Variants in DHX57 observed in about 807,000 individuals in gnomAD.
DHX57 encodes DExH-box helicase 57.
A neutral mutation model predicts 156.2 loss-of-function variants in DHX57; 105 were observed. That is an observed-to-expected ratio of 0.67 (90% CI 0.57 to 0.79). The LOEUF (loss-of-function observed/expected upper bound fraction) is 0.79. Among genes scored for constraint, DHX57 ranks in the 30% least tolerant of loss-of-function variants. The pLI, the probability that DHX57 is intolerant of heterozygous loss-of-function variation, is 0.00. For missense variants in DHX57, 1,847 were observed against 1,661.9 expected (o/e 1.11, Z -1.94); for synonymous variants, 704 against 595.6 (o/e 1.18, Z -2.65).
chr2:38,853,856 G>T, intron 9 of DHX57, 198 bp downstream of exon 9: 1 of 422,800 alleles, frequency 2.4e-6, no homozygotes, highest in Non-Finnish European at 4.3e-6. Context: ...TCTAATAAGT[G>T]ATGAGCATGT....
At chr2:38,835,288 T>G (rs1343578873) in intron 13 of DHX57, among the ~76,000 whole-genome samples, 2 of 152,212 alleles carry the variant, frequency 1.3e-5, no homozygotes, top group African/African-American at 4.8e-5. Flanking sequence ...ATAGGCTAAA[T>G]CTACTCTTTT....
At chr2:38,832,085 T>A (rs1386650874) in intron 13 of DHX57, among the ~76,000 whole-genome samples, 1 of 152,146 alleles carries the variant, frequency 6.6e-6, no homozygotes, top group Non-Finnish European at 1.5e-5. Context: ...CAACACTCAC[T>A]ACTTGCCAAG....
In DHX57 at chr2:38,843,051, C is replaced by T. The variant is rs1181157578; in HGVS notation, c.2379G>A (p.Val793=). Residue 793 remains valine, a synonymous_variant, in exon 12 of 24, where the codon GTG becomes GTA. Transcript: ENST00000457308. ...LQDQDSVKDA[V]PDQQLDFKQL... is the part of the protein sequence containing the mutation. Reference sequence around the variant, plus strand: ...GCTTAAAATCTAACTGTTGATCTGGCACTGCATCTTTGACAGAATCCTGAT... The same window carrying T: ...GCTTAAAATCTAACTGTTGATCTGGTACTGCATCTTTGACAGAATCCTGAT... The T allele has an allele frequency of 1.9e-6, 3 of 1,614,188 alleles. No individual in the cohort carries two copies. The Admixed American group carries it at 5.0e-5, about 27-fold the overall frequency.
intron 23 of DHX57, among the ~76,000 whole-genome samples, chr2:38,799,347 C>G (rs533734609): frequency 5.2e-5 from 7 of 135,406 alleles, no homozygotes; most frequent in African/African-American, 1.9e-4. Flanking sequence ...GCCTGGGCAA[C>G]AAGAGCGAAA....
intron 22 of DHX57, 72 bp downstream of exon 22, chr2:38,806,487 G>T: frequency 6.5e-7 from 1 of 1,544,070 alleles, no homozygotes; most frequent in Non-Finnish European, 8.8e-7. Context: ...ACATGGTGTG[G>T]CTGAATTTAA....
chr2:38,830,322 C>T (rs190107731), intron 13 of DHX57, among the ~76,000 whole-genome samples: 1 of 152,144 alleles, frequency 6.6e-6, no homozygotes, highest in Non-Finnish European at 1.5e-5. Context: ...ATCCTCATAG[C>T]CATCCATTGA....
intron 21 of DHX57, 106 bp from the exon 22 acceptor site, chr2:38,806,799 A>C: frequency 1.8e-6 from 2 of 1,094,970 alleles, no homozygotes; most frequent in Non-Finnish European, 2.6e-6. Context: ...TCTTGCTTGA[A>C]TAGCTTTCCT....
In DHX57 at chr2:38,820,437, C is replaced by T. The variant is rs145117350; in HGVS notation, c.3292-1293G>A. 3.1e-3 allele frequency among the ~76,000 whole-genome samples: 468 copies of T among 152,038 alleles called. 1 individual carries two copies. Among genetic ancestry groups the T allele is most frequent in the African/African-American group, 0.011 (455 of 41,468 alleles). ...GGAACCTCAAACCAGACATCAACGT[C>T]TCTAATGAGTCTTTCTTTATTCCAA... On this transcript the variant is annotated intron_variant, in intron 17 of 23. Transcript: ENST00000457308.
At chr2:38,864,204 C>T (rs1382107330) in intron 2 of DHX57, among the ~76,000 whole-genome samples, 1 of 149,932 alleles carries the variant, frequency 6.7e-6, no homozygotes, top group Non-Finnish European at 1.5e-5. Context: ...AATATTAAGG[C>T]CCCATTTCTA....
intron 1 of DHX57, among the ~76,000 whole-genome samples, chr2:38,874,044 C>G (rs1558412732): frequency 6.6e-6 from 1 of 152,038 alleles, no homozygotes; most frequent in Non-Finnish European, 1.5e-5. Context: ...AAAAGTTGGC[C>G]CTCTGTATGT....
chr2:38,831,174 A>G (rs1671359478), intron 13 of DHX57, among the ~76,000 whole-genome samples: 1 of 152,024 alleles, frequency 6.6e-6, no homozygotes, highest in Non-Finnish European at 1.5e-5. Flanking sequence ...ACTATTATAT[A>G]TGGATTGAAA....
intron 13 of DHX57, among the ~76,000 whole-genome samples, chr2:38,836,511 C>T (rs557471560): frequency 8.5e-5 from 13 of 152,252 alleles, no homozygotes; most frequent in Middle Eastern, 3.4e-3. Context: ...CAGTGGCTCA[C>T]GCCTGTAATC....
intron 21 of DHX57, chr2:38,811,596 A>C: frequency 7.3e-7 from 1 of 1,371,052 alleles, no homozygotes; most frequent in Non-Finnish European, 1.0e-6. Flanking sequence ...CCACACGAGG[A>C]TGCAGGAGGT....
intron 13 of DHX57, among the ~76,000 whole-genome samples, chr2:38,832,547 ATATAT>A (rs1176389582): frequency 2.0e-4 from 5 of 24,394 alleles, no homozygotes; most frequent in African/African-American, 1.9e-4. Context: ...ATATATATAT[ATATAT>A]TTTTTTTTTT....
intron 23 of DHX57, 21 bp from the exon 24 acceptor site, chr2:38,798,463 T>C (rs1217793565): frequency 1.2e-6 from 2 of 1,600,262 alleles, no homozygotes; most frequent in Non-Finnish European, 1.7e-6. Context: ...AGCTACAATA[T>C]AAGCAGTGCT....
intron 3 of DHX57, chr2:38,862,597 CTT>C (rs1224828659): frequency 3.4e-3 from 609 of 179,224 alleles, no homozygotes; most frequent in East Asian, 6.0e-3. Context: ...CTGGAATGTC[CTT>C]TTTTTTTTTT....
At chr2:38,832,239 A>C (rs1352914010) in intron 13 of DHX57, among the ~76,000 whole-genome samples, 1 of 152,098 alleles carries the variant, frequency 6.6e-6, no homozygotes, top group South Asian at 2.1e-4. Context: ...CAGGAATTCA[A>C]TACCAGCTTG....
rs532925286 is a variant in DHX57, at chr2:38,873,960, C to G, written c.-7+1827G>C. Among the ~76,000 whole-genome samples, 11 of 152,232 alleles carry G rather than the reference C, an allele frequency of 7.2e-5. No individual in the cohort carries two copies. In the South Asian group the frequency reaches 2.3e-3, roughly 32 times the overall value. On this transcript the variant is annotated intron_variant, in intron 1 of 23. Transcript: ENST00000457308. ...CCTCGGTATACACAGGGGATTGGTTCCAGAACCCCCATGTATACCAAAATC... is the reference window on the plus strand; with the variant it reads ...CCTCGGTATACACAGGGGATTGGTTGCAGAACCCCCATGTATACCAAAATC...
Position 38,804,383 on chromosome 2 carries a change from A to G in DHX57, c.3817-1468T>C, listed in dbSNP as rs957078537. Among the ~76,000 whole-genome samples, 5 of 152,080 alleles carry G rather than the reference A, an allele frequency of 3.3e-5. No homozygotes were observed. In the South Asian group the frequency reaches 8.3e-4, roughly 25 times the overall value. ...CACATGCCTGTAATCCCAGCTACTC[A>G]GGGGGCTGAGGCATGAGAATCCCTT... On this transcript the variant is annotated intron_variant, in intron 22 of 23. Transcript: ENST00000457308.
Sources: gnomAD v4.1 joint callset for allele counts (sites outside exome capture counted in the v4.1 genomes callset) on GRCh38, gnomAD v4.1.1 for gene constraint, MANE v1.5 for transcripts, NCBI Gene and HGNC (gene_info 2026-07-23, HGNC 2026-07-21) for gene names.